The following PBX1 variants were observed in gnomAD, a reference collection of about 807,000 sequenced individuals.
PBX1 encodes the protein PBX homeobox 1.
A neutral mutation model predicts 53.4 loss-of-function variants in PBX1; 6 were observed. The observed-to-expected ratio is 0.11, with a 90% CI of 0.06 to 0.22. The LOEUF is 0.22. PBX1 is among the 10% of genes least tolerant of loss of function. The pLI is 1.00. For synonymous variants in PBX1, 204 were observed against 212.3 expected (o/e 0.96, Z 0.34); for missense variants, 251 against 551.4 (o/e 0.46, Z 5.46).
intron 2 of PBX1, among the ~76,000 whole-genome samples, chr1:164,602,033 G>A (rs1218025510): frequency 6.6e-6 from 1 of 152,182 alleles, no homozygotes; most frequent in Non-Finnish European, 1.5e-5. Context: ...TAGTTAAAAG[G>A]TAATCTGTTT....
At chr1:164,682,835 TCTTC>T (rs1364342376) in intron 2 of PBX1, 2 of 143,810 alleles carry the variant, frequency 1.4e-5, no homozygotes, top group Non-Finnish European at 3.1e-5. Flanking sequence ...CGGAAGGAGT[TCTTC>T]CTTTGCTCCC....
At chr1:164,866,330 A>C (rs1672216807) in intron 2 of PBX1, among the ~76,000 whole-genome samples, 1 of 152,240 alleles carries the variant, frequency 6.6e-6, no homozygotes, top group Non-Finnish European at 1.5e-5. Flanking sequence ...GGCAACCTGC[A>C]GAAGAGGCTG....
chr1:164,584,094 G>GCA (rs1440164595), intron 2 of PBX1, among the ~76,000 whole-genome samples: 1 of 152,166 alleles, frequency 6.6e-6, no homozygotes, highest in African/African-American at 2.4e-5. Flanking sequence ...CCCAACAAAT[G>GCA]CTAGTTGAAG....
intron 2 of PBX1, among the ~76,000 whole-genome samples, chr1:164,679,286 A>C (rs535994647): frequency 1.2e-4 from 18 of 152,284 alleles, no homozygotes; most frequent in Middle Eastern, 3.4e-3. Context: ...CAAATTCTGC[A>C]CTTTTTGTTA....
At chr1:164,779,910 G>A (rs1294919846) in intron 2 of PBX1, among the ~76,000 whole-genome samples, 1 of 152,212 alleles carries the variant, frequency 6.6e-6, no homozygotes, top group East Asian at 1.9e-4. Flanking sequence ...CACCTCTTCA[G>A]AGAAATACAG....
chr1:164,774,090 T>C (rs17838231), intron 2 of PBX1, among the ~76,000 whole-genome samples: 13,343 of 152,202 alleles, frequency 0.088, 846 homozygotes, highest in East Asian at 0.19. Context: ...GCTAATGAGT[T>C]GTTGAATTGT....
intron 2 of PBX1, among the ~76,000 whole-genome samples, chr1:164,693,433 C>T (rs967745727): frequency 2.0e-5 from 3 of 152,206 alleles, no homozygotes; most frequent in African/African-American, 7.2e-5. Flanking sequence ...GTGCGACTTA[C>T]GTTCTTGAGA....
At chr1:164,669,235 A>G (rs570584979) in intron 2 of PBX1, among the ~76,000 whole-genome samples, 6 of 152,268 alleles carry the variant, frequency 3.9e-5, no homozygotes, top group African/African-American at 1.2e-4. Flanking sequence ...CTATGATTCT[A>G]TATGAGCAAT....
At chr1:164,798,386 T>A (rs1421188878) in intron 3 of PBX1, among the ~76,000 whole-genome samples, 1 of 152,260 alleles carries the variant, frequency 6.6e-6, no homozygotes, top group East Asian at 1.9e-4. Context: ...GTGAATCTAA[T>A]ATAGTTTTAC....
intron 2 of PBX1, among the ~76,000 whole-genome samples, chr1:164,662,083 T>C (rs1660522724): frequency 6.6e-6 from 1 of 152,178 alleles, no homozygotes; most frequent in Non-Finnish European, 1.5e-5. Flanking sequence ...CCCAACACTT[T>C]GGGAGGCCTA....
At chr1:164,560,682 T>A (rs893946012) in intron 1 of PBX1, among the ~76,000 whole-genome samples, 4 of 152,342 alleles carry the variant, frequency 2.6e-5, no homozygotes, top group African/African-American at 9.6e-5. Context: ...AAGGTGATTT[T>A]GTTTTTAGGC....
intron 2 of PBX1, among the ~76,000 whole-genome samples, chr1:164,762,054 C>T (rs1666843001): frequency 6.6e-6 from 1 of 152,184 alleles, no homozygotes; most frequent in Admixed American, 6.5e-5. Context: ...TTGTTCCTCA[C>T]GTACTGTTGG....
intron 2 of PBX1, among the ~76,000 whole-genome samples, chr1:164,620,466 A>G (rs2101850455): frequency 6.6e-6 from 1 of 150,982 alleles, no homozygotes; most frequent in East Asian, 2.0e-4. Context: ...GTGCATGTGC[A>G]TTTGTGAGTA....
Position 164,821,558 on chromosome 1 carries a change from A to G in PBX1, c.1132A>G (p.Ile378Val), listed in dbSNP as rs775324300. The change falls in exon 8 of 9, where the codon ATC (isoleucine) becomes GTC (valine). Residue 378 changes from isoleucine to valine, a missense_variant. Coordinates refer to ENST00000420696, the MANE Select transcript of PBX1 (RefSeq NM_002585.4). ...TTAGGTGGATACCCTTCGCCATGTT[A>G]TCAGCCAGACAGGAGGATACAGTGA... ...QSQVDTLRHVISQTGGYSDGL... is the reference protein window; with the variant it reads ...QSQVDTLRHVVSQTGGYSDGL... The G allele has an allele frequency of 7.4e-6, 12 of 1,613,930 alleles. No individual in the cohort carries two copies. Among genetic ancestry groups the G allele is most frequent in the East Asian group, 2.2e-5 (1 of 44,886 alleles).
chr1:164,885,080 G>T (rs561264780), intron 2 of PBX1, among the ~76,000 whole-genome samples: 1 of 152,060 alleles, frequency 6.6e-6, no homozygotes, highest in African/African-American at 2.4e-5. Flanking sequence ...CAAATCCCTG[G>T]CAGGCATTTC....
intron 2 of PBX1, among the ~76,000 whole-genome samples, chr1:164,710,120 A>C (rs1352913403): frequency 6.6e-6 from 1 of 152,218 alleles, no homozygotes; most frequent in African/African-American, 2.4e-5. Context: ...CACATACACC[A>C]GTGTTCAGTG....
intron 8 of PBX1, among the ~76,000 whole-genome samples, chr1:164,832,207 G>A (rs1670802352): frequency 6.6e-6 from 1 of 152,146 alleles, no homozygotes; most frequent in African/African-American, 2.4e-5. Context: ...ACCTTATAGT[G>A]AAAGAATTTA....
At chr1:164,587,630 T>C (rs891477239) in intron 2 of PBX1, among the ~76,000 whole-genome samples, 4 of 152,060 alleles carry the variant, frequency 2.6e-5, no homozygotes, top group African/African-American at 9.7e-5. Flanking sequence ...AAATGAGAAG[T>C]TTTAAATACA....
intron 2 of PBX1, among the ~76,000 whole-genome samples, chr1:164,617,276 T>C (rs548264205): frequency 6.6e-6 from 1 of 152,292 alleles, no homozygotes; most frequent in South Asian, 2.1e-4. Flanking sequence ...AGAATTAACC[T>C]TTCACCTTGG....
Sources: allele counts gnomAD v4.1 joint callset (sites outside exome capture counted in the v4.1 genomes callset), GRCh38; gene constraint gnomAD v4.1.1; transcripts MANE v1.5; gene names NCBI Gene and HGNC (gene_info 2026-07-23, HGNC 2026-07-21).